Variants in RBFOX1 observed in about 807,000 individuals in gnomAD.
RBFOX1 encodes the protein RNA binding protein fox-1 homolog 1.
In RBFOX1, 8 loss-of-function variants were observed where a neutral mutation model predicts 57.7. That is an observed-to-expected ratio of 0.14 (90% CI 0.08 to 0.25). The LOEUF (loss-of-function observed/expected upper bound fraction) is 0.25, where lower values mean the gene tolerates loss of function less well. Ranked by LOEUF, RBFOX1 falls within the 10% of genes least tolerant of loss-of-function variation. The pLI, the probability that RBFOX1 is intolerant of heterozygous loss-of-function variation, is 1.00. For synonymous variants in RBFOX1, 326 were observed against 222.4 expected (o/e 1.47, Z -4.15); for missense variants, 611 against 548.5 (o/e 1.11, Z -1.14).
At chr16:6,113,525 G>C (rs1300560612) in intron 1 of RBFOX1, among the ~76,000 whole-genome samples, 1 of 152,192 alleles carries the variant, frequency 6.6e-6, no homozygotes, top group Admixed American at 6.5e-5. Flanking sequence ...GGCATGATGA[G>C]ATGGCCAGGA....
At chr16:6,560,024 A>T (rs1268906834) in intron 2 of RBFOX1, among the ~76,000 whole-genome samples, 1 of 152,138 alleles carries the variant, frequency 6.6e-6, no homozygotes, top group African/African-American at 2.4e-5. Context: ...CGTAAAAATC[A>T]CTTACTACCT....
chr16:6,886,409 A>T (rs1015463232), intron 3 of RBFOX1, among the ~76,000 whole-genome samples: 64 of 152,120 alleles, frequency 4.2e-4, no homozygotes, highest in African/African-American at 1.5e-3. Flanking sequence ...AAAGGTTACC[A>T]AATAAATTTT....
At chr16:6,282,447 GC>G (rs1483179089) in intron 1 of RBFOX1, among the ~76,000 whole-genome samples, 2 of 148,930 alleles carry the variant, frequency 1.3e-5, no homozygotes, top group Non-Finnish European at 3.0e-5. Flanking sequence ...ATAAACATGT[GC>G]CATGGTGGTT....
chr16:5,689,491 A>G (rs1262140679), intron 3 of RBFOX1, among the ~76,000 whole-genome samples: 1 of 152,180 alleles, frequency 6.6e-6, no homozygotes, highest in African/African-American at 2.4e-5. Flanking sequence ...AATCCTAAAG[A>G]AAGATTGTCT....
At chr16:5,797,335 C>G (rs2054911568) in intron 3 of RBFOX1, among the ~76,000 whole-genome samples, 1 of 152,224 alleles carries the variant, frequency 6.6e-6, no homozygotes, top group Admixed American at 6.5e-5. Context: ...TGTGTCCACA[C>G]CCACTTCTTG....
Position 6,132,384 on chromosome 16 carries a change from A to G in RBFOX1, c.-127+112392A>G, listed in dbSNP as rs115190275. 2.4e-3 allele frequency among the ~76,000 whole-genome samples: 362 copies of G among 152,340 alleles called. 3 individuals are homozygous for G. Among genetic ancestry groups the G allele is most frequent in the African/African-American group, 7.9e-3 (330 of 41,578 alleles). On this transcript the variant is annotated intron_variant, in intron 1 of 15. Transcript: ENST00000550418. ...GCATGATGCAGTTACCACAGCATGT[A>G]GATACCACAGATACGGTTACCACAG...
intron 4 of RBFOX1, among the ~76,000 whole-genome samples, chr16:7,367,371 C>T (rs1201427058): frequency 6.6e-6 from 1 of 152,186 alleles, no homozygotes; most frequent in Admixed American, 6.5e-5. Flanking sequence ...GTAAATCTGT[C>T]ATTTTGGCTA....
At chr16:7,310,820 T>C (rs2096289443) in intron 4 of RBFOX1, among the ~76,000 whole-genome samples, 2 of 152,118 alleles carry the variant, frequency 1.3e-5, no homozygotes, top group Admixed American at 1.3e-4. Context: ...TCCTGATAGG[T>C]TTATGGAACT....
chr16:6,115,346 T>C (rs1232939401), intron 1 of RBFOX1, among the ~76,000 whole-genome samples: 1 of 152,168 alleles, frequency 6.6e-6, no homozygotes, highest in Non-Finnish European at 1.5e-5. Context: ...TTGCATAGGA[T>C]TGCATGCTTT....
chr16:6,022,182 A>C (rs899946805), intron 1 of RBFOX1, among the ~76,000 whole-genome samples: 8 of 151,758 alleles, frequency 5.3e-5, no homozygotes, highest in African/African-American at 1.9e-4. Flanking sequence ...GCAGTTGTAC[A>C]TTTCTTCTGA....
At chr16:5,356,578 C>T (rs2065395516) in intron 1 of RBFOX1, among the ~76,000 whole-genome samples, 2 of 152,112 alleles carry the variant, frequency 1.3e-5, no homozygotes, top group African/African-American at 4.8e-5. Context: ...TGTTGTGTCC[C>T]TAGCTTCTGG....
chr16:7,366,613 C>G (rs557266436), intron 4 of RBFOX1, among the ~76,000 whole-genome samples: 13 of 151,852 alleles, frequency 8.6e-5, no homozygotes, highest in African/African-American at 2.9e-4. Flanking sequence ...ATTTGAAACT[C>G]TGGTCAGTTT....
chr16:6,258,344 C>T (rs943293538), intron 1 of RBFOX1, among the ~76,000 whole-genome samples: 1 of 152,150 alleles, frequency 6.6e-6, no homozygotes, highest in Admixed American at 6.5e-5. Context: ...ACCTTGACCC[C>T]ATTTGAGATC....
intron 3 of RBFOX1, among the ~76,000 whole-genome samples, chr16:5,709,528 C>A (rs902987488): frequency 1.3e-5 from 2 of 151,808 alleles, no homozygotes; most frequent in South Asian, 2.1e-4. Flanking sequence ...ATGATCTTGG[C>A]CTGTATGTGT....
intron 3 of RBFOX1, among the ~76,000 whole-genome samples, chr16:6,718,741 A>G (rs141112101): frequency 3.2e-4 from 48 of 152,350 alleles, no homozygotes; most frequent in Middle Eastern, 3.4e-3. Context: ...GAAGGTAACC[A>G]TAGTAACAGC....
At chr16:5,593,119 A>G (rs559085498) in intron 2 of RBFOX1, among the ~76,000 whole-genome samples, 1 of 151,976 alleles carries the variant, frequency 6.6e-6, no homozygotes, top group African/African-American at 2.4e-5. Flanking sequence ...AGACTGGAGA[A>G]AGAAAATGTG....
At chr16:7,197,874 A>T (rs1359798299) in intron 4 of RBFOX1, among the ~76,000 whole-genome samples, 1 of 152,220 alleles carries the variant, frequency 6.6e-6, no homozygotes, top group Non-Finnish European at 1.5e-5. Context: ...AAATTCACAG[A>T]GACAGAAAAC....
chr16:5,393,677 T>G (rs1353103234), intron 1 of RBFOX1, among the ~76,000 whole-genome samples: 2 of 151,978 alleles, frequency 1.3e-5, no homozygotes, highest in Non-Finnish European at 2.9e-5. Context: ...GTGTTCTGTG[T>G]TTTTGTTTTT....
intron 3 of RBFOX1, among the ~76,000 whole-genome samples, chr16:6,716,304 A>G (rs181278194): frequency 6.6e-6 from 1 of 152,232 alleles, no homozygotes; most frequent in East Asian, 1.9e-4. Flanking sequence ...ACAACTTCCG[A>G]TCCCTTCTGT....
Sources: allele counts gnomAD v4.1 joint callset (sites outside exome capture counted in the v4.1 genomes callset), GRCh38; gene constraint gnomAD v4.1.1; transcripts MANE v1.5; gene names NCBI Gene and HGNC (gene_info 2026-07-23, HGNC 2026-07-21).